DNAJC13: variants seen among roughly 807,000 people sequenced by gnomAD.
DNAJC13 encodes dnaJ homolog subfamily C member 13.
DNAJC13 carries 75 observed loss-of-function variants against 290.5 expected under a neutral mutation model. That is an observed-to-expected ratio of 0.26 (90% CI 0.21 to 0.31). The LOEUF (loss-of-function observed/expected upper bound fraction) is 0.31, where lower values mean the gene tolerates loss of function less well. Ranked by LOEUF, DNAJC13 falls within the 10% of genes least tolerant of loss-of-function variation. DNAJC13 has a pLI of 1.00. For synonymous variants in DNAJC13, 862 were observed against 892.0 expected, an observed-to-expected ratio of 0.97 and a Z score of 0.60; for missense variants, 2,260 against 2,674.5, an observed-to-expected ratio of 0.85 and a Z score of 3.42.
At chr3:132,494,040 A>G (rs1408151102) in intron 33 of DNAJC13, 104 bp from the exon 34 acceptor site, 2 of 787,812 alleles carry the variant, frequency 2.5e-6, no homozygotes, top group Non-Finnish European at 4.0e-6. Context: ...TTGGACAGCT[A>G]AAAGTATCCA....
chr3:132,455,480 T>C (rs545180120), intron 9 of DNAJC13, among the ~76,000 whole-genome samples: 6 of 152,330 alleles, frequency 3.9e-5, no homozygotes, highest in Non-Finnish European at 7.4e-5. Context: ...CAGTTCCACT[T>C]TTAGGTATCT....
At chr3:132,507,432 A>G (rs1265044751) in intron 43 of DNAJC13, 79 bp downstream of exon 43, 2 of 821,150 alleles carry the variant, frequency 2.4e-6, no homozygotes, top group East Asian at 2.5e-5. Context: ...CACACTTTAT[A>G]GAGGCACACT....
intron 20 of DNAJC13, among the ~76,000 whole-genome samples, chr3:132,471,029 ACCTC>A (rs1934220270): frequency 1.8e-5 from 2 of 108,224 alleles, no homozygotes; most frequent in African/African-American, 7.2e-5. Context: ...TGACCCCCCC[ACCTC>A]CCTCCCGGAC....
intron 54 of DNAJC13, among the ~76,000 whole-genome samples, chr3:132,529,515 C>T (rs1465642357): frequency 3.9e-5 from 6 of 152,116 alleles, no homozygotes; most frequent in South Asian, 2.1e-4. Context: ...AGGCTGGGCG[C>T]GGTGGCTCAC....
intron 46 of DNAJC13, 85 bp from the exon 47 acceptor site, chr3:132,516,337 A>C: frequency 8.4e-7 from 1 of 1,192,168 alleles, no homozygotes; most frequent in Non-Finnish European, 1.2e-6. Context: ...TAGAACATCT[A>C]GTTAAGTGCC....
intron 1 of DNAJC13, among the ~76,000 whole-genome samples, chr3:132,426,172 C>G (rs1559863388): frequency 6.6e-6 from 1 of 152,038 alleles, no homozygotes; most frequent in African/African-American, 2.4e-5. Flanking sequence ...CTGTGTTGCC[C>G]TGAATTTGAC....
rs142101159 is a variant in DNAJC13, at chr3:132,531,017, G to A, written c.6545G>A (p.Arg2182His). 22 of 1,613,848 alleles carry A rather than the reference G, an allele frequency of 1.4e-5. No individual in the cohort carries two copies. Among genetic ancestry groups the A allele is most frequent in the Middle Eastern group, 1.6e-4 (1 of 6,082 alleles). Reference protein sequence around the residue: ...YGEQVNEILCRSSVWSAFKDQ... With the variant: ...YGEQVNEILCHSSVWSAFKDQ... ...TCCTAGGTGAATGAAATCCTGTGCCGTTCTTCAGTCTGGAGTGCCTTCAAA... is the reference window on the plus strand; with the variant it reads ...TCCTAGGTGAATGAAATCCTGTGCCATTCTTCAGTCTGGAGTGCCTTCAAA... The change falls in exon 55 of 56, where the codon CGT (arginine) becomes CAT (histidine). Residue 2182 changes from arginine to histidine, a missense_variant. Arg to His is a conservative substitution (Grantham distance 29). This residue lies in a region of DNAJC13 where 1,494 missense variants were observed against 1,693.7 expected (regional missense o/e 0.88). Transcript: ENST00000260818.
chr3:132,494,718 A>G (rs1041595184), intron 34 of DNAJC13, among the ~76,000 whole-genome samples: 1 of 152,186 alleles, frequency 6.6e-6, no homozygotes, highest in Non-Finnish European at 1.5e-5. Flanking sequence ...AAACTTAAGT[A>G]TAGACTAAAA....
At chr3:132,421,578 C>G (rs1938960820) in intron 1 of DNAJC13, among the ~76,000 whole-genome samples, 1 of 151,652 alleles carries the variant, frequency 6.6e-6, no homozygotes, top group African/African-American at 2.4e-5. Flanking sequence ...ACTACAGGCG[C>G]TTGCCACCAT....
Position 132,483,409 on chromosome 3 carries a change from CA to C in DNAJC13, c.3019del (p.Thr1007ProfsTer25), listed in dbSNP as rs1312501836. 6.2e-7 allele frequency: 1 copy of C among 1,614,080 alleles called. No individual in the cohort carries two copies. Among genetic ancestry groups the C allele is most frequent in the Admixed American group, 1.7e-5 (1 of 60,022 alleles). On this transcript the variant is annotated frameshift_variant, in exon 28 of 56. Coordinates refer to ENST00000260818, the MANE Select transcript of DNAJC13 (RefSeq NM_015268.4). LOFTEE classifies it high-confidence loss of function. ...QELWTKGMLN[A>X]KTRCWAQGMD... The stretch of plus-strand genomic sequence containing the variant: ...TTGTGGACCAAAGGAATGTTAAATG[CA>C]AAAACCAGATGCTGGGCTCAAGGCA...
rs754993 is a variant in DNAJC13, at chr3:132,525,562, G to A, written c.6061-48G>A. The A allele has an allele frequency of 0.5, 790,190 of 1,576,558 alleles. 211,006 individuals carry two copies. Among genetic ancestry groups the A allele is most frequent in the East Asian group, 0.92 (41,108 of 44,550 alleles). On this transcript the variant is annotated intron_variant, in intron 51 of 55. Coordinates refer to ENST00000260818, the MANE Select transcript of DNAJC13 (RefSeq NM_015268.4). ...AAATACATTACCTTGGATATTTAGG[G>A]CTGTATGAGTATTTTATAGTTGATT...
chr3:132,479,329 C>A, intron 25 of DNAJC13, 40 bp downstream of exon 25: 2 of 1,327,392 alleles, frequency 1.5e-6, no homozygotes, highest in Non-Finnish European at 2.2e-6. Flanking sequence ...ATTTCCAAGT[C>A]ATATAAGTAT....
intron 42 of DNAJC13, 131 bp from the exon 43 acceptor site, chr3:132,507,106 T>C (rs1158752036): frequency 1.8e-6 from 1 of 559,476 alleles, no homozygotes; most frequent in Non-Finnish European, 3.2e-6. Context: ...TTTTAAGTGC[T>C]GTGACATGTA....
chr3:132,520,333 C>T (rs531852468), intron 48 of DNAJC13, among the ~76,000 whole-genome samples: 1 of 152,068 alleles, frequency 6.6e-6, no homozygotes, highest in South Asian at 2.1e-4. Context: ...TTTGCCAGCC[C>T]CTGTTCTAGG....
rs149879221 is a variant in DNAJC13, at chr3:132,538,221, T to A, written c.6671T>A (p.Val2224Asp). ...CTTACCGCAGGTACATCTACATCAG[T>A]CATGTCTAACCTGCCACCTCCTGTA... is the stretch of plus-strand genomic sequence containing the variant. ...GYLTAGTSTS[V>D]MSNLPPPVDH... Residue 2224 changes from valine (V) to aspartate (D), a missense_variant, in exon 56 of 56, where the codon GTC becomes GAC. By Grantham distance (152) the Val-to-Asp change is radical. This residue lies in a region of DNAJC13 where 1,494 missense variants were observed against 1,693.7 expected (regional missense o/e 0.88). Coordinates refer to ENST00000260818, the MANE Select transcript of DNAJC13 (RefSeq NM_015268.4). 33 of 1,613,842 alleles carry A rather than the reference T, an allele frequency of 2.0e-5. No individual in the cohort carries two copies. In the African/African-American group the frequency reaches 4.0e-4, roughly 20 times the overall value.
intron 5 of DNAJC13, among the ~76,000 whole-genome samples, chr3:132,450,220 G>A (rs1933379218): frequency 6.6e-6 from 1 of 151,600 alleles, no homozygotes; most frequent in Non-Finnish European, 1.5e-5. Context: ...TGTTTAAATT[G>A]AATATTACAA....
intron 39 of DNAJC13, 62 bp downstream of exon 39, chr3:132,500,975 C>T (rs1450396217): frequency 1.3e-6 from 2 of 1,577,660 alleles, no homozygotes; most frequent in East Asian, 4.5e-5. Context: ...GTCAACTAGC[C>T]AGTTCCTAAT....
At chr3:132,476,721 T>G (rs533498411) in intron 22 of DNAJC13, among the ~76,000 whole-genome samples, 2 of 152,332 alleles carry the variant, frequency 1.3e-5, no homozygotes, top group South Asian at 2.1e-4. Flanking sequence ...AAATTCACAT[T>G]CTTGCCTCAA....
In DNAJC13 at chr3:132,434,619, G is replaced by A. The variant is rs1939331446; in HGVS notation, c.68+1G>A. 1 of 1,599,122 alleles carries A rather than the reference G, an allele frequency of 6.3e-7. No individual in the cohort carries two copies. Among genetic ancestry groups the A allele is most frequent in the African/African-American group, 1.4e-5 (1 of 73,714 alleles). Reference sequence around the variant, plus strand: ...CAACAAAACATTCATGGAGGGGGAAGTAAGTATTCTTGTTGGGTTTTTTTT... The same window carrying A: ...CAACAAAACATTCATGGAGGGGGAAATAAGTATTCTTGTTGGGTTTTTTTT... On this transcript the variant is annotated splice_donor_variant, in intron 2 of 55. Coordinates refer to ENST00000260818, the MANE Select transcript of DNAJC13 (RefSeq NM_015268.4). LOFTEE classifies it high-confidence loss of function.
Sources: gnomAD v4.1 joint callset for allele counts (sites outside exome capture counted in the v4.1 genomes callset) on GRCh38, gnomAD v4.1.1 for gene constraint, gnomAD v4.1.1 regional missense constraint, MANE v1.5 for transcripts, NCBI Gene and HGNC (gene_info 2026-07-23, HGNC 2026-07-21) for gene names.